Variants in PDE4D observed in about 807,000 individuals in gnomAD.
PDE4D encodes the protein 3',5'-cyclic-AMP phosphodiesterase 4D.
A neutral mutation model predicts 87.4 loss-of-function variants in PDE4D; 24 were observed. The observed-to-expected ratio is 0.27, with a 90% CI of 0.20 to 0.39. PDE4D has a LOEUF of 0.39. Among genes scored for constraint, PDE4D ranks in the 10% least tolerant of loss-of-function variants. PDE4D has a pLI of 1.00. For missense variants in PDE4D, 714 were observed against 1,041.0 expected (o/e 0.69, Z 4.32); for synonymous variants, 384 against 383.2 (o/e 1.00, Z -0.02).
intron 1 of PDE4D, among the ~76,000 whole-genome samples, chr5:60,344,579 T>C (rs1397146636): frequency 6.6e-6 from 1 of 152,168 alleles, no homozygotes; most frequent in Non-Finnish European, 1.5e-5. Flanking sequence ...TTTTATCCTA[T>C]AACCTATGCA....
chr5:60,417,168 A>T (rs1742677156), intron 1 of PDE4D, among the ~76,000 whole-genome samples: 1 of 152,220 alleles, frequency 6.6e-6, no homozygotes, highest in African/African-American at 2.4e-5. Flanking sequence ...ACATAAAGCA[A>T]GTGTGCCCAG....
chr5:59,359,276 G>T (rs905184992), intron 1 of PDE4D, among the ~76,000 whole-genome samples: 7 of 152,118 alleles, frequency 4.6e-5, no homozygotes, highest in Admixed American at 1.3e-4. Flanking sequence ...TAAAACAATG[G>T]AACTGTAAAT....
chr5:59,086,835 T>G (rs1029809835), intron 5 of PDE4D, among the ~76,000 whole-genome samples: 4 of 152,166 alleles, frequency 2.6e-5, no homozygotes, highest in African/African-American at 4.8e-5. Flanking sequence ...TAAATAACTA[T>G]TAGATTCTTC....
At chr5:60,474,111 T>TATAC (rs1748097054) in intron 1 of PDE4D, among the ~76,000 whole-genome samples, 1 of 71,832 alleles carries the variant, frequency 1.4e-5, no homozygotes, top group Non-Finnish European at 2.4e-5. Flanking sequence ...CTGCCATATA[T>TATAC]ATATATATAT....
intron 5 of PDE4D, among the ~76,000 whole-genome samples, chr5:59,164,732 T>C (rs1367986591): frequency 3.9e-5 from 6 of 152,140 alleles, no homozygotes. Context: ...TTCCTTCTGT[T>C]GGATGGCATG....
chr5:59,899,595 GT>G (rs1752018711), intron 3 of PDE4D, among the ~76,000 whole-genome samples: 1 of 152,064 alleles, frequency 6.6e-6, no homozygotes, highest in African/African-American at 2.4e-5. Flanking sequence ...CAGGAGCTCA[GT>G]GTTATGAAGC....
At chr5:59,616,876 G>A (rs1291307862) in intron 1 of PDE4D, among the ~76,000 whole-genome samples, 1 of 122,700 alleles carries the variant, frequency 8.1e-6, no homozygotes, top group Non-Finnish European at 1.6e-5. Context: ...AACTAAGATA[G>A]TGAAGGGTTT....
At chr5:59,136,662 T>C (rs10062397) in intron 5 of PDE4D, among the ~76,000 whole-genome samples, 135,072 of 152,130 alleles carry the variant, frequency 0.89, 60,456 homozygotes, top group African/African-American at 0.97. Flanking sequence ...AATACTCTCT[T>C]GGAGGATATG....
At chr5:60,338,323 G>A (rs1011563838) in intron 1 of PDE4D, among the ~76,000 whole-genome samples, 3 of 152,176 alleles carry the variant, frequency 2.0e-5, no homozygotes, top group African/African-American at 4.8e-5. Flanking sequence ...ACCCAGGCGC[G>A]CAAGATGCCA....
intron 1 of PDE4D, among the ~76,000 whole-genome samples, chr5:59,279,801 G>A (rs367769353): frequency 1.5e-4 from 22 of 146,808 alleles, no homozygotes; most frequent in African/African-American, 5.8e-4. Flanking sequence ...GTATGTATGT[G>A]TATGTGTGTG....
At chr5:59,789,927 C>T (rs1457205262) in intron 1 of PDE4D, among the ~76,000 whole-genome samples, 2 of 152,202 alleles carry the variant, frequency 1.3e-5, no homozygotes, top group African/African-American at 4.8e-5. Context: ...TGTGATATTT[C>T]TTTCAGTGTG....
chr5:60,003,562 T>C (rs1184574309), intron 2 of PDE4D, among the ~76,000 whole-genome samples: 2 of 151,666 alleles, frequency 1.3e-5, no homozygotes, highest in Non-Finnish European at 2.9e-5. Context: ...ATACAAAAAT[T>C]AGCCGAACGT....
intron 5 of PDE4D, among the ~76,000 whole-genome samples, chr5:59,176,723 G>GC (rs1783951742): frequency 6.6e-6 from 1 of 152,130 alleles, no homozygotes; most frequent in East Asian, 1.9e-4. Context: ...TTAAAAATTA[G>GC]AGTTGGTTTA....
intron 1 of PDE4D, among the ~76,000 whole-genome samples, chr5:60,371,988 G>A (rs982896483): frequency 2.0e-5 from 3 of 152,208 alleles, no homozygotes; most frequent in Admixed American, 6.5e-5. Flanking sequence ...CTATAAAAAC[G>A]GAATTGCTAG....
At chr5:59,695,345 A>G (rs6878243) in intron 1 of PDE4D, among the ~76,000 whole-genome samples, 10,889 of 152,038 alleles carry the variant, frequency 0.072, 1,200 homozygotes, top group African/African-American at 0.24. Flanking sequence ...TCCCCAAGGC[A>G]GGAACTGCAC....
chr5:59,604,446 A>G (rs1438786036), intron 1 of PDE4D, among the ~76,000 whole-genome samples: 1 of 151,990 alleles, frequency 6.6e-6, no homozygotes, highest in African/African-American at 2.4e-5. Context: ...GTGTAGAAAT[A>G]GGAGAAGGAT....
chr5:60,468,137 C>CTTTTTTTTTTTTTTTTTTT (rs570783072), intron 1 of PDE4D, among the ~76,000 whole-genome samples: 32 of 141,236 alleles, frequency 2.3e-4, no homozygotes, highest in South Asian at 6.9e-4. Context: ...TTTCTTTTTT[C>CTTTTTTTTTTTTTTTTTTT]TTTTTTTTTT....
At chr5:59,134,886 ATCC>A (rs1231490323) in intron 5 of PDE4D, among the ~76,000 whole-genome samples, 23 of 152,108 alleles carry the variant, frequency 1.5e-4, no homozygotes, top group African/African-American at 5.6e-4. Context: ...GGGTTCTTTC[ATCC>A]TCATTTTTTG....
chr5:59,373,904 A>T (rs982171464), intron 1 of PDE4D, among the ~76,000 whole-genome samples: 3 of 152,210 alleles, frequency 2.0e-5, no homozygotes, highest in Admixed American at 2.0e-4. Flanking sequence ...ATTCCAACCA[A>T]CAATTTCATA....
Sources: gnomAD v4.1 joint callset for allele counts (sites outside exome capture counted in the v4.1 genomes callset) on GRCh38, gnomAD v4.1.1 for gene constraint, MANE v1.5 for transcripts, NCBI Gene and HGNC (gene_info 2026-07-23, HGNC 2026-07-21) for gene names.